SNTG1: variants seen among roughly 807,000 people sequenced by gnomAD.
SNTG1 encodes gamma-1-syntrophin.
SNTG1 carries 39 observed loss-of-function variants against 74.7 expected under a neutral mutation model. The observed-to-expected ratio is 0.52, with a 90% confidence interval of 0.40 to 0.68. The LOEUF (loss-of-function observed/expected upper bound fraction) is 0.68, where lower values mean the gene tolerates loss of function less well. Ranked by LOEUF, SNTG1 falls within the 30% of genes least tolerant of loss-of-function variation. The pLI, the probability that SNTG1 is intolerant of heterozygous loss-of-function variation, is 0.00. For missense variants in SNTG1, 685 were observed against 609.5 expected, an observed-to-expected ratio of 1.12 and a Z score of -1.30; for synonymous variants, 254 against 217.1, an observed-to-expected ratio of 1.17 and a Z score of -1.49.
At chr8:50,407,118 G>A (rs142476314) in intron 4 of SNTG1, among the ~76,000 whole-genome samples, 1 of 152,258 alleles carries the variant, frequency 6.6e-6, no homozygotes, top group East Asian at 1.9e-4. Flanking sequence ...CATAGTCCAT[G>A]TGCTCGCTGG....
At chr8:50,403,899 C>T (rs550402656) in intron 4 of SNTG1, among the ~76,000 whole-genome samples, 1 of 152,256 alleles carries the variant, frequency 6.6e-6, no homozygotes, top group East Asian at 1.9e-4. Flanking sequence ...GAAAGCAAGT[C>T]AAGGATAATA....
chr8:49,961,395 A>C (rs1466835295), intron 1 of SNTG1, among the ~76,000 whole-genome samples: 2 of 152,202 alleles, frequency 1.3e-5, no homozygotes, highest in Non-Finnish European at 2.9e-5. Context: ...GAAAAAGAAT[A>C]ATTGGTGCTT....
intron 1 of SNTG1, among the ~76,000 whole-genome samples, chr8:50,106,311 A>G (rs562073010): frequency 4.7e-4 from 71 of 152,152 alleles, no homozygotes; most frequent in Non-Finnish European, 1.2e-4. Context: ...CTCACTCACT[A>G]TCATGAGAAT....
intron 13 of SNTG1, among the ~76,000 whole-genome samples, chr8:50,592,793 G>A: frequency 6.6e-6 from 1 of 152,002 alleles, no homozygotes; most frequent in East Asian, 1.9e-4. Flanking sequence ...TCACAGTTTT[G>A]AAAATTGTAA....
At chr8:50,452,237 T>A (rs2093464521) in intron 8 of SNTG1, among the ~76,000 whole-genome samples, 2 of 152,224 alleles carry the variant, frequency 1.3e-5, no homozygotes, top group South Asian at 2.1e-4. Flanking sequence ...GTGCTCAAGT[T>A]CATGTAAAAT....
In SNTG1 at chr8:50,053,924, C is replaced by T. The variant is rs570463080; in HGVS notation, c.-102-118637C>T. On this transcript the variant is annotated intron_variant, in intron 1 of 18. Transcript: ENST00000642720. ...AAACACCAAAACTATTGATTGAGCT[C>T]CCATCAGGTGGAGAACAAGATACTT... 1.1e-4 allele frequency among the ~76,000 whole-genome samples: 16 copies of T among 152,120 alleles called. No homozygotes were observed. The South Asian group carries it at 3.1e-3, about 30-fold the overall frequency.
At chr8:50,580,837 A>T (rs901495200) in intron 12 of SNTG1, among the ~76,000 whole-genome samples, 12 of 152,260 alleles carry the variant, frequency 7.9e-5, no homozygotes, top group African/African-American at 2.9e-4. Flanking sequence ...GGACTAATAG[A>T]GTGGGCCTGG....
At chr8:49,944,898 T>C (rs1585607780) in intron 1 of SNTG1, among the ~76,000 whole-genome samples, 1 of 151,854 alleles carries the variant, frequency 6.6e-6, no homozygotes, top group African/African-American at 2.4e-5. Flanking sequence ...AGCGATTCTC[T>C]TGCCTCAGCC....
intron 17 of SNTG1, among the ~76,000 whole-genome samples, chr8:50,722,632 T>C (rs2095490572): frequency 6.6e-6 from 1 of 152,166 alleles, no homozygotes; most frequent in African/African-American, 2.4e-5. Flanking sequence ...TATTCTTTAA[T>C]TAATTATTTA....
intron 1 of SNTG1, among the ~76,000 whole-genome samples, chr8:50,066,348 GAT>G (rs148754724): frequency 5.3e-5 from 8 of 150,584 alleles, no homozygotes; most frequent in South Asian, 2.1e-4. Context: ...GTGGTATTTT[GAT>G]ATATATATAT....
chr8:50,028,265 G>C (rs560185098), intron 1 of SNTG1, among the ~76,000 whole-genome samples: 2 of 152,192 alleles, frequency 1.3e-5, no homozygotes, highest in Non-Finnish European at 2.9e-5. Context: ...CCTTGAGATG[G>C]TAAAAACTAT....
chr8:50,469,711 G>T (rs1301281824), intron 8 of SNTG1, among the ~76,000 whole-genome samples: 2 of 152,126 alleles, frequency 1.3e-5, no homozygotes, highest in East Asian at 1.9e-4. Context: ...AGGCATGGTG[G>T]CTCACGCCTG....
At chr8:50,230,676 T>C (rs2085572188) in intron 2 of SNTG1, among the ~76,000 whole-genome samples, 1 of 151,234 alleles carries the variant, frequency 6.6e-6, no homozygotes, top group Non-Finnish European at 1.5e-5. Context: ...ATAAACGTTG[T>C]AGAGAAAACA....
At chr8:50,633,434 A>G (rs568574298) in intron 13 of SNTG1, among the ~76,000 whole-genome samples, 7 of 152,194 alleles carry the variant, frequency 4.6e-5, no homozygotes, top group South Asian at 2.1e-4. Flanking sequence ...GAATAGTTAG[A>G]ACTTTACCTG....
At chr8:50,178,407 G>T (rs573010710) in intron 2 of SNTG1, among the ~76,000 whole-genome samples, 1 of 148,828 alleles carries the variant, frequency 6.7e-6, no homozygotes, top group Non-Finnish European at 1.5e-5. Flanking sequence ...ACACGTGCGC[G>T]CGCACACACA....
intron 1 of SNTG1, among the ~76,000 whole-genome samples, chr8:49,985,448 T>C (rs1373221837): frequency 6.6e-6 from 1 of 152,180 alleles, no homozygotes; most frequent in Non-Finnish European, 1.5e-5. Flanking sequence ...TTTAAATCTA[T>C]TAAAATCAAT....
At chr8:50,188,919 A>G (rs2083473117) in intron 2 of SNTG1, among the ~76,000 whole-genome samples, 1 of 152,120 alleles carries the variant, frequency 6.6e-6, no homozygotes, top group Non-Finnish European at 1.5e-5. Flanking sequence ...TCTATCATGA[A>G]ACCCAAGAGG....
In SNTG1 at chr8:50,793,802, T is replaced by C. The variant is rs1245128968; in HGVS notation, c.*973T>C. The C allele has an allele frequency of 6.6e-6, 1 of 151,908 alleles. No individual in the cohort carries two copies. 9.4% of individuals were successfully genotyped at this position (151,908 alleles called of 1,614,324 possible). ...TCCCCCGAAAACAGTCCCAAAGCTA[T>C]TATAGATGTTAATTAAATGACATTT... On this transcript the variant is annotated 3_prime_UTR_variant, in exon 19 of 19. Transcript: ENST00000642720.
At chr8:50,575,372 T>C (rs2094571107) in intron 12 of SNTG1, among the ~76,000 whole-genome samples, 2 of 152,188 alleles carry the variant, frequency 1.3e-5, no homozygotes, top group Admixed American at 6.5e-5. Context: ...TTCTAAAATA[T>C]GCCTCCTGAT....
Sources: allele counts gnomAD v4.1 joint callset (sites outside exome capture counted in the v4.1 genomes callset), GRCh38; gene constraint gnomAD v4.1.1; transcripts MANE v1.5; gene names NCBI Gene and HGNC (gene_info 2026-07-23, HGNC 2026-07-21).